The following ERC2 variants were observed in gnomAD, a reference collection of about 807,000 sequenced individuals.
ERC2 encodes ERC protein 2.
Under a neutral mutation model 114.8 loss-of-function variants are expected in ERC2, and 42 were observed. The observed-to-expected ratio is 0.37, with a 90% CI of 0.29 to 0.47. The LOEUF (loss-of-function observed/expected upper bound fraction) is 0.47. ERC2 is among the 20% of genes least tolerant of loss of function. ERC2 has a pLI of 0.99. For synonymous variants in ERC2, 454 were observed against 425.5 expected (o/e 1.07, Z -0.82); for missense variants, 939 against 1,150.7 (o/e 0.82, Z 2.66).
intron 7 of ERC2, among the ~76,000 whole-genome samples, chr3:56,057,713 C>T (rs1204207653): frequency 1.3e-5 from 2 of 152,194 alleles, no homozygotes; most frequent in East Asian, 1.9e-4. Flanking sequence ...TGGTGGATGC[C>T]GATCTAGGCA....
intron 3 of ERC2, among the ~76,000 whole-genome samples, chr3:56,197,053 T>C (rs150071452): frequency 6.6e-6 from 1 of 152,032 alleles, no homozygotes; most frequent in Non-Finnish European, 1.5e-5. Context: ...ACTCCAGCCA[T>C]GTCAGGTGTG....
intron 3 of ERC2, among the ~76,000 whole-genome samples, chr3:56,288,612 A>G (rs1208205540): frequency 6.6e-6 from 1 of 152,238 alleles, no homozygotes; most frequent in Non-Finnish European, 1.5e-5. Flanking sequence ...GATGCTAAAC[A>G]GAAAGGAATT....
At chr3:56,440,637 G>C (rs941866024) in intron 1 of ERC2, among the ~76,000 whole-genome samples, 1 of 151,792 alleles carries the variant, frequency 6.6e-6, no homozygotes, top group African/African-American at 2.4e-5. Flanking sequence ...CAGGAGGATT[G>C]CTTGAGGACA....
chr3:55,766,964 G>T (rs1467978093), intron 14 of ERC2, among the ~76,000 whole-genome samples: 2 of 152,140 alleles, frequency 1.3e-5, no homozygotes, highest in East Asian at 3.9e-4. Flanking sequence ...TGCCACCTGT[G>T]TTTCCCAGGT....
intron 2 of ERC2, among the ~76,000 whole-genome samples, chr3:56,317,691 G>A (rs1380667778): frequency 1.3e-5 from 2 of 152,170 alleles, no homozygotes; most frequent in African/African-American, 4.8e-5. Flanking sequence ...ATATAACAAT[G>A]AGCGAGACAC....
At chr3:55,719,552 G>C (rs1052317525) in intron 15 of ERC2, among the ~76,000 whole-genome samples, 1 of 152,176 alleles carries the variant, frequency 6.6e-6, no homozygotes, top group African/African-American at 2.4e-5. Flanking sequence ...TAGCAGCTCT[G>C]GTTGGGTCTG....
At chr3:55,611,374 G>C (rs572850613) in intron 17 of ERC2, among the ~76,000 whole-genome samples, 2 of 152,326 alleles carry the variant, frequency 1.3e-5, no homozygotes, top group South Asian at 4.1e-4. Flanking sequence ...TTCCAGAATA[G>C]TGGGGTTCCA....
chr3:55,637,576 C>G (rs1436485980), intron 17 of ERC2, among the ~76,000 whole-genome samples: 1 of 152,216 alleles, frequency 6.6e-6, no homozygotes, highest in African/African-American at 2.4e-5. Context: ...ACTCTAAAAT[C>G]CAAGTCTCTG....
chr3:55,542,265 T>C (rs185017466), intron 17 of ERC2, among the ~76,000 whole-genome samples: 14 of 152,290 alleles, frequency 9.2e-5, no homozygotes, highest in Non-Finnish European at 1.6e-4. Context: ...GCTGAGATCA[T>C]TGAAGATTGT....
chr3:56,401,125 G>A (rs995116259), intron 2 of ERC2, among the ~76,000 whole-genome samples: 2 of 152,206 alleles, frequency 1.3e-5, no homozygotes, highest in Non-Finnish European at 2.9e-5. Context: ...TATCACAAAA[G>A]CTCGAATAAT....
chr3:56,360,731 A>T (rs1016008665), intron 2 of ERC2, among the ~76,000 whole-genome samples: 1 of 152,094 alleles, frequency 6.6e-6, no homozygotes, highest in Non-Finnish European at 1.5e-5. Flanking sequence ...AACATGGTGA[A>T]ACCCCATATG....
At chr3:55,940,604 AG>A (rs2066727164) in intron 13 of ERC2, among the ~76,000 whole-genome samples, 1 of 152,190 alleles carries the variant, frequency 6.6e-6, no homozygotes, top group African/African-American at 2.4e-5. Flanking sequence ...GGACATCTTT[AG>A]TCAGAAGAAA....
intron 2 of ERC2, among the ~76,000 whole-genome samples, chr3:56,304,525 G>A (rs2056094092): frequency 7.5e-6 from 1 of 132,530 alleles, no homozygotes; most frequent in African/African-American, 2.9e-5. Context: ...TCTTCATTCT[G>A]TGAGACTTGA....
intron 3 of ERC2, among the ~76,000 whole-genome samples, chr3:56,222,766 A>G (rs908962529): frequency 2.8e-4 from 42 of 152,248 alleles, no homozygotes; most frequent in African/African-American, 9.4e-4. Context: ...CGCTATAGCT[A>G]GATGCAAAAT....
intron 13 of ERC2, among the ~76,000 whole-genome samples, chr3:55,941,904 G>A (rs1487224676): frequency 1.3e-5 from 2 of 152,114 alleles, no homozygotes; most frequent in Admixed American, 1.3e-4. Flanking sequence ...ACATAAGAGA[G>A]GCACAGGAAA....
intron 17 of ERC2, among the ~76,000 whole-genome samples, chr3:55,633,918 G>A (rs943480499): frequency 2.0e-5 from 3 of 152,120 alleles, no homozygotes; most frequent in Admixed American, 6.5e-5. Flanking sequence ...CAAGGGTCCC[G>A]GGTGGGAAAT....
intron 3 of ERC2, among the ~76,000 whole-genome samples, chr3:56,183,143 T>C (rs7616016): frequency 0.3 from 45,301 of 152,092 alleles, 8,431 homozygotes; most frequent in Middle Eastern, 0.41. Context: ...TATTTAAAGA[T>C]TGACCCCATA....
Position 56,228,783 on chromosome 3 carries a change from C to T in ERC2, c.1075-55263G>A, listed in dbSNP as rs74932156. ...GATGTGTATACTTTACTGATTTGTA[C>T]GTTATGCATTTTTAAAAGTGTAAAA... On this transcript the variant is annotated intron_variant, in intron 3 of 17. Transcript: ENST00000288221. Among the ~76,000 whole-genome samples the T allele has an allele frequency of 1.9e-3, 288 of 152,218 alleles. 6 individuals carry two copies. In the East Asian group the frequency reaches 0.043, roughly 23 times the overall value.
chr3:55,884,612 T>C, intron 14 of ERC2, among the ~76,000 whole-genome samples: 1 of 152,072 alleles, frequency 6.6e-6, no homozygotes, highest in Non-Finnish European at 1.5e-5. Flanking sequence ...ATGAGCTACC[T>C]GTAAGAGCCA....
Sources: gnomAD v4.1 joint callset for allele counts (sites outside exome capture counted in the v4.1 genomes callset) on GRCh38, gnomAD v4.1.1 for gene constraint, MANE v1.5 for transcripts, NCBI Gene and HGNC (gene_info 2026-07-23, HGNC 2026-07-21) for gene names.